Variants in RALGAPB observed in about 807,000 individuals in gnomAD.
RALGAPB encodes ral GTPase-activating protein subunit beta.
In RALGAPB, 25 loss-of-function variants were observed where a neutral mutation model predicts 161.1. The observed-to-expected ratio is 0.16, with a 90% CI of 0.11 to 0.22. The LOEUF (loss-of-function observed/expected upper bound fraction) is 0.22. Among genes scored for constraint, RALGAPB ranks in the 10% least tolerant of loss-of-function variants. RALGAPB has a pLI of 1.00. For missense variants in RALGAPB, 1,391 were observed against 1,815.2 expected (o/e 0.77, Z 4.25); for synonymous variants, 629 against 626.1 (o/e 1.00, Z -0.07).
chr20:38,478,601 A>T (rs2122813554), intron 1 of RALGAPB, among the ~76,000 whole-genome samples: 1 of 150,162 alleles, frequency 6.7e-6, no homozygotes, highest in East Asian at 2.0e-4. Context: ...TTTTATTTTT[A>T]TTATTATTTA....
chr20:38,570,100 T>C lies in RALGAPB; in HGVS notation c.4063+104T>C, dbSNP rs938275518. The C allele has an allele frequency of 1.7e-5, 15 of 893,386 alleles. No individual in the cohort carries two copies. The African/African-American group carries it at 2.2e-4, about 13-fold the overall frequency. 55.3% of individuals were successfully genotyped at this position (893,386 alleles called of 1,614,324 possible). A position where few individuals can be genotyped will look rare whatever the true frequency, so the allele number is the denominator to read the frequency against. ...ACATAAGCCTGGTGTGGCCAGGAGCTAGTCCTGGAGTTCAGCAAGCCTTGG... is the reference window on the plus strand; with the variant it reads ...ACATAAGCCTGGTGTGGCCAGGAGCCAGTCCTGGAGTTCAGCAAGCCTTGG... On this transcript the variant is annotated intron_variant, in intron 27 of 29. Coordinates refer to ENST00000262879, the MANE Select transcript of RALGAPB (RefSeq NM_020336.4).
At chr20:38,531,080 A>C in intron 13 of RALGAPB, 87 bp from the exon 14 acceptor site, 1 of 1,150,416 alleles carries the variant, frequency 8.7e-7, no homozygotes, top group Non-Finnish European at 1.3e-6. Context: ...TTATATTCTT[A>C]TCTGTACTAT....
chr20:38,564,963 C>T (rs542454682), intron 24 of RALGAPB, among the ~76,000 whole-genome samples: 89 of 144,628 alleles, frequency 6.2e-4, no homozygotes, highest in African/African-American at 2.1e-3. Context: ...CTCTCTCTGT[C>T]TCTCTCTCTC....
At position 38,506,215 on chromosome 20, in the gene RALGAPB, G is replaced by A. The variant is rs762051143; in HGVS notation, c.741-2862G>A. ...TTTATGTAAGGGGGCTTGAGCATCC[G>A]TGGATTTTGGCATCTGAGGGGTGTT... On this transcript the variant is annotated intron_variant, in intron 5 of 29. Coordinates refer to ENST00000262879, the MANE Select transcript of RALGAPB (RefSeq NM_020336.4). Among the ~76,000 whole-genome samples the A allele has an allele frequency of 2.2e-4, 34 of 152,066 alleles. 1 individual carries two copies. The highest frequency in any genetic ancestry group is 2.0e-3 in the Admixed American group (31 of 15,270).
chr20:38,564,020 C>G (rs1275145729), intron 24 of RALGAPB, among the ~76,000 whole-genome samples: 1 of 152,138 alleles, frequency 6.6e-6, no homozygotes, highest in Admixed American at 6.5e-5. Context: ...CCAAGCCTGT[C>G]CTTATGGCAA....
chr20:38,570,869 T>G, intron 28 of RALGAPB, 22 bp downstream of exon 28: 1 of 1,492,452 alleles, frequency 6.7e-7, no homozygotes, highest in Non-Finnish European at 9.3e-7. Context: ...TTGCTTGAAG[T>G]TCATCAGCGT....
chr20:38,500,677 TTGAAAGCCAAAACAGGC>T (rs1349023387), intron 5 of RALGAPB, among the ~76,000 whole-genome samples: 2 of 152,210 alleles, frequency 1.3e-5, no homozygotes. Flanking sequence ...GGAAGGTGTG[TTGAAAGCCAAAACAGGC>T]TGAAAGCTAG....
At chr20:38,480,823 C>T (rs2084946715) in intron 1 of RALGAPB, among the ~76,000 whole-genome samples, 1 of 148,598 alleles carries the variant, frequency 6.7e-6, no homozygotes. Context: ...CTGCAAGCTC[C>T]GCCTCCCAGG....
intron 16 of RALGAPB, among the ~76,000 whole-genome samples, chr20:38,539,150 G>A (rs1321025347): frequency 5.3e-5 from 8 of 152,104 alleles, no homozygotes; most frequent in African/African-American, 9.7e-5. Flanking sequence ...AGTACATATT[G>A]TATGATCTTT....
intron 6 of RALGAPB, among the ~76,000 whole-genome samples, chr20:38,514,666 C>T (rs1455246518): frequency 6.6e-6 from 1 of 152,188 alleles, no homozygotes; most frequent in Non-Finnish European, 1.5e-5. Flanking sequence ...AGTGATTTAT[C>T]TTTTTCCAGG....
chr20:38,529,881 G>A (rs1478760185), intron 13 of RALGAPB, among the ~76,000 whole-genome samples: 1 of 151,988 alleles, frequency 6.6e-6, no homozygotes, highest in African/African-American at 2.4e-5. Context: ...TACATTTACA[G>A]TACTGTATTT....
In RALGAPB at chr20:38,531,878, C is replaced by G. The variant is rs139407646; in HGVS notation, c.2115+647C>G. On this transcript the variant is annotated intron_variant, in intron 14 of 29. Coordinates refer to ENST00000262879, the MANE Select transcript of RALGAPB (RefSeq NM_020336.4). Reference sequence around the variant, plus strand: ...AGATGGTGAATAATAATTTACTGATCTGAATATAATGAACTGTGTTTATAT... The same window carrying G: ...AGATGGTGAATAATAATTTACTGATGTGAATATAATGAACTGTGTTTATAT... 1.5e-4 allele frequency among the ~76,000 whole-genome samples: 23 copies of G among 152,166 alleles called. No homozygotes were observed. In the East Asian group the frequency reaches 4.3e-3, roughly 28 times the overall value.
chr20:38,503,006 G>A (rs903388899), intron 5 of RALGAPB, among the ~76,000 whole-genome samples: 2 of 152,210 alleles, frequency 1.3e-5, no homozygotes, highest in Non-Finnish European at 2.9e-5. Context: ...TTAGATTGGT[G>A]CAAAAGTAAT....
rs1269749573 is a variant in RALGAPB at position 38,499,505 on chromosome 20, A to C, written c.612A>C (p.Leu204Phe). The C allele has an allele frequency of 6.2e-7, 1 of 1,613,714 alleles. No homozygotes were observed. The highest frequency in any genetic ancestry group is 8.5e-7 in the Non-Finnish European group (1 of 1,179,856). Residue 204 changes from leucine (L) to phenylalanine (F), a missense_variant, in exon 5 of 30, where the codon TTA becomes TTC. Leu to Phe is a conservative substitution (Grantham distance 22). This residue lies in a region of RALGAPB where 946 missense variants were observed against 1,257.2 expected (regional missense o/e 0.75). Coordinates refer to ENST00000262879, the MANE Select transcript of RALGAPB (RefSeq NM_020336.4). ...KLIGVLFEVW[L>F]LACTRCFPTP... ...TTGGTGTTCTCTTTGAGGTGTGGTT[A>C]CTAGCTTGTACTCGGTGCTTCCCAA...
chr20:38,534,825 A>G (rs1018619025), intron 15 of RALGAPB, among the ~76,000 whole-genome samples: 4 of 152,254 alleles, frequency 2.6e-5, no homozygotes, highest in African/African-American at 9.6e-5. Flanking sequence ...GAAACTGCCA[A>G]ATCCCACGGT....
chr20:38,504,795 CAT>C (rs2085706362), intron 5 of RALGAPB, among the ~76,000 whole-genome samples: 1 of 152,084 alleles, frequency 6.6e-6, no homozygotes, highest in Admixed American at 6.5e-5. Context: ...CAAAAGAAGA[CAT>C]ATAAGTGGCC....
chr20:38,550,069 T>G (rs1199533389), intron 20 of RALGAPB, among the ~76,000 whole-genome samples: 1 of 152,094 alleles, frequency 6.6e-6, no homozygotes, highest in Non-Finnish European at 1.5e-5. Flanking sequence ...CCGCATATTC[T>G]CACTCATAGG....
intron 6 of RALGAPB, among the ~76,000 whole-genome samples, chr20:38,512,103 C>A (rs2085979122): frequency 6.6e-6 from 1 of 152,142 alleles, no homozygotes; most frequent in African/African-American, 2.4e-5. Flanking sequence ...ACCATTATTT[C>A]TAGGTATTTG....
chr20:38,532,539 A>G (rs577333324), intron 14 of RALGAPB, among the ~76,000 whole-genome samples, 191 bp from the exon 15 acceptor site: 18 of 152,330 alleles, frequency 1.2e-4, no homozygotes, highest in African/African-American at 4.3e-4. Context: ...CAAATCCTTC[A>G]TACCCTCCAG....
Sources: gnomAD v4.1 joint callset for allele counts (sites outside exome capture counted in the v4.1 genomes callset) on GRCh38, gnomAD v4.1.1 for gene constraint, gnomAD v4.1.1 regional missense constraint, MANE v1.5 for transcripts, NCBI Gene and HGNC (gene_info 2026-07-23, HGNC 2026-07-21) for gene names.